The following TMLHE variants were observed in gnomAD, a reference collection of about 807,000 sequenced individuals.
The protein encoded by TMLHE is trimethyllysine hydroxylase, epsilon.
A neutral mutation model predicts 25.7 loss-of-function variants in TMLHE; 18 were observed. The ratio of observed to expected loss-of-function variants is 0.70; its 90% confidence interval spans 0.48 to 1.04. The LOEUF is 1.04. TMLHE is among the 50% of genes least tolerant of loss of function. TMLHE has a pLI of 0.00. For missense variants in TMLHE, 236 were observed against 259.0 expected, an observed-to-expected ratio of 0.91 and a Z score of 0.61; for synonymous variants, 105 against 97.0, an observed-to-expected ratio of 1.08 and a Z score of -0.49.
intron 1 of TMLHE, among the ~76,000 whole-genome samples, chrX:155,585,404 TACACACACACAAAC>T (rs1228567282): frequency 6.5e-5 from 5 of 76,434 alleles, no homozygotes; most frequent in African/African-American, 1.9e-4. Context: ...ATATAAATTA[TACACACACACAAAC>T]ACACACACAC....
intron 1 of TMLHE, among the ~76,000 whole-genome samples, chrX:155,595,979 A>G (rs913314874): frequency 6.3e-5 from 7 of 111,743 alleles, no homozygotes; most frequent in South Asian, 3.7e-4. Flanking sequence ...GAGAAAGGCT[A>G]TCTATATGAA....
In TMLHE at chrX:155,545,153, G is replaced by C. The variant is rs782322535; in HGVS notation, c.124C>G (p.His42Asp). The change falls in exon 2 of 8, where the codon CAC (histidine) becomes GAC (aspartate). Residue 42 changes from histidine to aspartate, a missense_variant. Physicochemically the swap from His to Asp is moderately conservative, Grantham distance 81. Transcript: ENST00000334398. ...GTCAGAGACTTGGAGGCTGTATGGT[G>C]CCAATGGACAGCTAAAGGAAGTAAG... Reference protein sequence around the residue: ...KSLLPLAVHWHHTASKSLTCA... With the variant: ...KSLLPLAVHWDHTASKSLTCA... The C allele has an allele frequency of 2.5e-6, 3 of 1,210,197 alleles. No homozygotes were observed. The highest frequency in any genetic ancestry group is 3.4e-6 in the Non-Finnish European group (3 of 894,543).
chrX:155,500,236 A>G (rs2067055859), intron 6 of TMLHE, among the ~76,000 whole-genome samples: 2 of 101,325 alleles, frequency 2.0e-5, no homozygotes, highest in South Asian at 9.6e-4. Context: ...CTTGTCTGAC[A>G]AAGGGCTAAT....
intron 1 of TMLHE, among the ~76,000 whole-genome samples, chrX:155,572,768 A>G (rs1227036456): frequency 1.8e-5 from 1 of 56,546 alleles, no homozygotes; most frequent in African/African-American, 4.2e-5. Flanking sequence ...GGTGCTGGGA[A>G]AACTGGCTAG....
At chrX:155,608,997 T>A (rs2067803769) in intron 1 of TMLHE, among the ~76,000 whole-genome samples, 1 of 112,097 alleles carries the variant, frequency 8.9e-6, no homozygotes, top group Admixed American at 9.4e-5. Flanking sequence ...CTCAAAGAAC[T>A]TAAGACAGAA....
At chrX:155,535,974 C>T (rs1156396617) in intron 2 of TMLHE, among the ~76,000 whole-genome samples, 1 of 111,817 alleles carries the variant, frequency 8.9e-6, no homozygotes, top group Admixed American at 9.5e-5. Context: ...AACTCTTGTA[C>T]ATATAGTTTG....
At chrX:155,535,993 G>A (rs1184642782) in intron 2 of TMLHE, among the ~76,000 whole-genome samples, 4 of 111,664 alleles carry the variant, frequency 3.6e-5, no homozygotes, top group Non-Finnish European at 7.5e-5. Flanking sequence ...TGCTCTAACT[G>A]AAACATTCTT....
At chrX:155,547,896 CTA>C (rs2067364267) in intron 1 of TMLHE, among the ~76,000 whole-genome samples, 1 of 110,749 alleles carries the variant, frequency 9.0e-6, no homozygotes, top group African/African-American at 3.3e-5. Context: ...TCCACACCTG[CTA>C]TAGACACATA....
At chrX:155,592,921 G>A (rs2067701200) in intron 1 of TMLHE, among the ~76,000 whole-genome samples, 1 of 111,791 alleles carries the variant, frequency 8.9e-6, no homozygotes, top group African/African-American at 3.3e-5. Context: ...GACTCCCCAA[G>A]GCCCCTTCCA....
At chrX:155,588,870 T>C (rs2067679349) in intron 1 of TMLHE, among the ~76,000 whole-genome samples, 1 of 111,620 alleles carries the variant, frequency 9.0e-6, no homozygotes, top group Non-Finnish European at 1.9e-5. Flanking sequence ...AAGGGAACTC[T>C]CATCTGCTGG....
intron 1 of TMLHE, among the ~76,000 whole-genome samples, chrX:155,577,524 G>A (rs2067598310): frequency 9.2e-6 from 1 of 108,676 alleles, no homozygotes; most frequent in African/African-American, 3.4e-5. Context: ...AGACTGCAGT[G>A]AGCTGAGATC....
intron 1 of TMLHE, among the ~76,000 whole-genome samples, chrX:155,574,726 ATTAC>A (rs2067579347): frequency 8.9e-6 from 1 of 111,832 alleles, no homozygotes; most frequent in African/African-American, 3.2e-5. Flanking sequence ...TAGGAGAACA[ATTAC>A]TTAGCACACA....
rs191703052 is a variant in TMLHE at position 155,545,318 on chromosome X, C to T, written c.-1-41G>A. The T allele has an allele frequency of 2.9e-5, 31 of 1,056,160 alleles. No individual in the cohort carries two copies. The East Asian group carries it at 3.7e-4, about 13-fold the overall frequency. 87.0% of individuals were successfully genotyped at this position (1,056,160 alleles called of 1,213,427 possible). A position where few individuals can be genotyped will look rare whatever the true frequency, so the allele number is the denominator to read the frequency against. ...ATAACAAGTTAGTAGTAATATACAA[C>T]AACTTTTATGAGGCTATAGGAATAA... On this transcript the variant is annotated intron_variant, in intron 1 of 7. Coordinates refer to ENST00000334398, the MANE Select transcript of TMLHE (RefSeq NM_018196.4).
chrX:155,581,515 C>A (rs1557344550), intron 1 of TMLHE, among the ~76,000 whole-genome samples: 1 of 111,047 alleles, frequency 9.0e-6, no homozygotes, highest in Non-Finnish European at 1.9e-5. Flanking sequence ...CACAAACATT[C>A]CTATACACCA....
chrX:155,560,053 T>C, intron 1 of TMLHE, among the ~76,000 whole-genome samples: 1 of 112,424 alleles, frequency 8.9e-6, no homozygotes, highest in African/African-American at 3.2e-5. Context: ...CAATCATTTC[T>C]TTAATTATTT....
intron 5 of TMLHE, among the ~76,000 whole-genome samples, chrX:155,510,354 T>G (rs2124326821): frequency 9.6e-6 from 1 of 103,870 alleles, no homozygotes; most frequent in East Asian, 3.2e-4. Flanking sequence ...ACCCACTAAC[T>G]CATCATCTAG....
At chrX:155,559,909 C>G (rs1277242907) in intron 1 of TMLHE, among the ~76,000 whole-genome samples, 1 of 112,439 alleles carries the variant, frequency 8.9e-6, no homozygotes, top group African/African-American at 3.2e-5. Context: ...CATTCTCCTG[C>G]CTAAGACTTA....
At chrX:155,553,130 G>A (rs1162024390) in intron 1 of TMLHE, among the ~76,000 whole-genome samples, 1 of 110,533 alleles carries the variant, frequency 9.0e-6, no homozygotes, top group Non-Finnish European at 1.9e-5. Context: ...ATTTTTCTAT[G>A]TGCAGAAAAG....
At chrX:155,507,191 C>A (rs1557332826) in intron 5 of TMLHE, 57 bp from the exon 6 acceptor site, 17 of 772,390 alleles carry the variant, frequency 2.2e-5, no homozygotes, top group Non-Finnish European at 3.8e-6. Context: ...TATCAAAATT[C>A]TAGAAATTAT....
Sources: gnomAD v4.1 joint callset for allele counts (sites outside exome capture counted in the v4.1 genomes callset) on GRCh38, gnomAD v4.1.1 for gene constraint, MANE v1.5 for transcripts, NCBI Gene and HGNC (gene_info 2026-07-23, HGNC 2026-07-21) for gene names.